Variants in AGPAT3 observed in about 807,000 individuals in gnomAD.
The protein encoded by AGPAT3 is 1-acylglycerol-3-phosphate O-acyltransferase 3, also known as 1-acyl-sn-glycerol-3-phosphate acyltransferase gamma.
Under a neutral mutation model 47.3 loss-of-function variants are expected in AGPAT3, and 5 were observed. The observed-to-expected ratio is 0.11, with a 90% CI of 0.06 to 0.22. The LOEUF (loss-of-function observed/expected upper bound fraction) is 0.22. Among genes scored for constraint, AGPAT3 ranks in the 10% least tolerant of loss-of-function variants. The pLI, the probability that AGPAT3 is intolerant of heterozygous loss-of-function variation, is 1.00. For synonymous variants in AGPAT3, 212 were observed against 208.3 expected (o/e 1.02, Z -0.15); for missense variants, 315 against 493.0 (o/e 0.64, Z 3.42).
chr21:43,882,576 A>G (rs1601206931), intron 1 of AGPAT3: 1 of 152,386 alleles, frequency 6.6e-6, no homozygotes, highest in Non-Finnish European at 1.5e-5. Context: ...CGTTTGCATC[A>G]CAGTTGGAGT....
chr21:43,866,421 G>C (rs1375671982), intron 1 of AGPAT3, among the ~76,000 whole-genome samples: 1 of 152,114 alleles, frequency 6.6e-6, no homozygotes, highest in African/African-American at 2.4e-5. Context: ...GCTGCTAGAG[G>C]GACCCAGGAT....
chr21:43,938,410 C>T (rs966537463), intron 2 of AGPAT3, among the ~76,000 whole-genome samples: 12 of 142,822 alleles, frequency 8.4e-5, no homozygotes, highest in Middle Eastern at 3.6e-3. Flanking sequence ...CGAGTTCAAG[C>T]GATTCTCCTG....
intron 1 of AGPAT3, among the ~76,000 whole-genome samples, chr21:43,869,644 G>C (rs945596519): frequency 6.6e-6 from 1 of 152,132 alleles, no homozygotes; most frequent in African/African-American, 2.4e-5. Flanking sequence ...TGCTGGGGAG[G>C]AGGAGCCTCA....
chr21:43,962,853 T>A (rs1470116554), intron 3 of AGPAT3, among the ~76,000 whole-genome samples: 1 of 152,074 alleles, frequency 6.6e-6, no homozygotes, highest in African/African-American at 2.4e-5. Flanking sequence ...GAATTCATAA[T>A]CAAGAATGAC....
chr21:43,970,877 A>G lies in AGPAT3; in HGVS notation c.664+71A>G. The G allele has an allele frequency of 2.1e-6, 3 of 1,415,664 alleles. No individual in the cohort carries two copies. Among genetic ancestry groups the G allele is most frequent in the Non-Finnish European group, 2.8e-6 (3 of 1,083,540 alleles). The allele number at this position is 1,415,664 out of a possible 1,614,324, so 87.7% of individuals were successfully genotyped here. On this transcript the variant is annotated intron_variant, in intron 6 of 9. Transcript: ENST00000291572. The surrounding 1 kb of genome is among the most constrained non-coding windows in gnomAD (Gnocchi z 5.8). Reference sequence around the variant, plus strand: ...AAAATAGTGATTTCTTTAAAAAAAAAAAAAATGAGTGCATTCCATGTGAAA... The same window carrying G: ...AAAATAGTGATTTCTTTAAAAAAAAGAAAAATGAGTGCATTCCATGTGAAA...
At chr21:43,962,051 A>C (rs998783086) in intron 3 of AGPAT3, among the ~76,000 whole-genome samples, 1 of 146,138 alleles carries the variant, frequency 6.8e-6, no homozygotes, top group African/African-American at 2.6e-5. Context: ...CCCAGGCTGG[A>C]GTGCAGTGGT....
intron 1 of AGPAT3, among the ~76,000 whole-genome samples, chr21:43,872,279 C>G (rs747833522): frequency 6.6e-6 from 1 of 151,288 alleles, no homozygotes; most frequent in Non-Finnish European, 1.5e-5. Context: ...CTCCCGGGTT[C>G]AAGTGATTTT....
chr21:43,953,464 C>G (rs965484446), intron 2 of AGPAT3, among the ~76,000 whole-genome samples: 2 of 152,216 alleles, frequency 1.3e-5, no homozygotes, highest in Non-Finnish European at 2.9e-5. Flanking sequence ...AAAGCCTGTG[C>G]ATAAGAAATA....
chr21:43,900,117 C>A (rs752812987), intron 1 of AGPAT3, among the ~76,000 whole-genome samples: 1 of 152,212 alleles, frequency 6.6e-6, no homozygotes, highest in African/African-American at 2.4e-5. Flanking sequence ...TGCTTTTGTT[C>A]TCTTCCAGAG....
rs529800611 is a variant in AGPAT3, at chr21:43,986,821, A to G, written c.*4429A>G. 2.6e-4 allele frequency among the ~76,000 whole-genome samples: 40 copies of G among 152,374 alleles called. 3 individuals carry two copies. In the East Asian group the frequency reaches 3.5e-3, roughly 13 times the overall value. Reference sequence around the variant, plus strand: ...CCCATTGTATACAGGGTGCAAATGTATTATACGGATGTTTCCTTTTGTACA... The same window carrying G: ...CCCATTGTATACAGGGTGCAAATGTGTTATACGGATGTTTCCTTTTGTACA... On this transcript the variant is annotated 3_prime_UTR_variant, in exon 10 of 10. Transcript: ENST00000291572.
chr21:43,944,321 G>A (rs867591116), intron 2 of AGPAT3, among the ~76,000 whole-genome samples: 27 of 152,352 alleles, frequency 1.8e-4, no homozygotes, highest in African/African-American at 6.5e-4. Context: ...GCTGGGCAGG[G>A]GCCACACGTC....
rs949282012 is a variant in AGPAT3, at chr21:43,954,306, G to A, written c.-48-5328G>A. ...TCAGGTTTATCAAGGAGGTCCAGGC[G>A]GGCTGGGTGTGGGGAGGTGGAACAG... On this transcript the variant is annotated intron_variant, in intron 2 of 9. Coordinates refer to ENST00000291572, the MANE Select transcript of AGPAT3 (RefSeq NM_020132.5). The surrounding 1 kb of genome is among the most constrained non-coding windows in gnomAD (Gnocchi z 4.0). 3.3e-5 allele frequency among the ~76,000 whole-genome samples: 5 copies of A among 152,212 alleles called. No individual in the cohort carries two copies. Among genetic ancestry groups the A allele is most frequent in the Admixed American group, 6.5e-5 (1 of 15,282 alleles).
chr21:43,960,156 G>A (rs945174894), intron 3 of AGPAT3, among the ~76,000 whole-genome samples: 4 of 152,196 alleles, frequency 2.6e-5, no homozygotes, highest in African/African-American at 9.7e-5. Context: ...CTGTTTACCC[G>A]TTACCAAGCT....
chr21:43,924,739 C>T (rs906190140), intron 2 of AGPAT3, among the ~76,000 whole-genome samples: 8 of 152,226 alleles, frequency 5.3e-5, no homozygotes, highest in African/African-American at 7.2e-5. Flanking sequence ...GAGAAGGGCA[C>T]GCCTGGGCTT....
chr21:43,869,672 G>A (rs2085579989), intron 1 of AGPAT3, among the ~76,000 whole-genome samples: 1 of 152,140 alleles, frequency 6.6e-6, no homozygotes, highest in South Asian at 2.1e-4. Context: ...CCCTGAGTTA[G>A]GCACAGCCAG....
chr21:43,952,162 C>T lies in AGPAT3; in HGVS notation c.-48-7472C>T, dbSNP rs1330343382. Among the ~76,000 whole-genome samples the T allele has an allele frequency of 6.6e-6, 1 of 151,978 alleles. No individual in the cohort carries two copies. Among genetic ancestry groups the T allele is most frequent in the Non-Finnish European group, 1.5e-5 (1 of 67,986 alleles). ...TTGGGCTGTGTGACGGCACCAGAGG[C>T]GGGGCTGCAGCTGCAGGCTTTTGTC... On this transcript the variant is annotated intron_variant, in intron 2 of 9. Coordinates refer to ENST00000291572, the MANE Select transcript of AGPAT3 (RefSeq NM_020132.5). This position sits in a 1 kb window ranked among gnomAD's most constrained non-coding sequence, Gnocchi z 5.6.
chr21:43,885,233 G>A (rs1157695800), intron 1 of AGPAT3, among the ~76,000 whole-genome samples: 1 of 152,252 alleles, frequency 6.6e-6, no homozygotes, highest in African/African-American at 2.4e-5. Flanking sequence ...CTGGGCCTGG[G>A]CCAGACGGGT....
intron 2 of AGPAT3, among the ~76,000 whole-genome samples, chr21:43,917,982 GTTAT>G: frequency 8.1e-6 from 1 of 122,854 alleles, no homozygotes; most frequent in African/African-American, 3.2e-5. Context: ...GGGGTGTTGT[GTTAT>G]GGGTGTTGTG....
rs1015707581 is a variant in AGPAT3 at position 43,983,769 on chromosome 21, G to A, written c.*1377G>A. On this transcript the variant is annotated 3_prime_UTR_variant, in exon 10 of 10. Transcript: ENST00000291572. The stretch of plus-strand genomic sequence containing the variant: ...ATCAGCCCACCTGCATTTGGCTTTC[G>A]ACTTGCTTGTTCTAAGTCACAGCGC... 1 of 152,228 alleles carries A rather than the reference G, an allele frequency of 6.6e-6. No individual in the cohort carries two copies. Among genetic ancestry groups the A allele is most frequent in the Non-Finnish European group, 1.5e-5 (1 of 68,040 alleles). The allele number at this position is 152,228 out of a possible 1,614,324, so 9.4% of individuals were successfully genotyped here. A position where few individuals can be genotyped will look rare whatever the true frequency, so the allele number is the denominator to read the frequency against.
Sources: allele counts gnomAD v4.1 joint callset (sites outside exome capture counted in the v4.1 genomes callset), GRCh38; gene constraint gnomAD v4.1.1; non-coding constraint Gnocchi (gnomAD v3.1); transcripts MANE v1.5; gene names NCBI Gene and HGNC (gene_info 2026-07-23, HGNC 2026-07-21).